The following CABIN1 variants were observed in gnomAD, a reference collection of about 807,000 sequenced individuals.
CABIN1 encodes the protein calcineurin-binding protein cabin-1.
A neutral mutation model predicts 227.7 loss-of-function variants in CABIN1; 133 were observed. The observed-to-expected ratio is 0.58, with a 90% CI of 0.51 to 0.67. CABIN1 has a LOEUF of 0.67. Among genes scored for constraint, CABIN1 ranks in the 30% least tolerant of loss-of-function variants. The pLI, the probability that CABIN1 is intolerant of heterozygous loss-of-function variation, is 0.00. For synonymous variants in CABIN1, 1,086 were observed against 1,155.1 expected, an observed-to-expected ratio of 0.94 and a Z score of 1.21; for missense variants, 2,408 against 2,852.5, an observed-to-expected ratio of 0.84 and a Z score of 3.55.
chr22:24,153,888 T>C (rs150992156), intron 29 of CABIN1, among the ~76,000 whole-genome samples: 7 of 152,270 alleles, frequency 4.6e-5, no homozygotes, highest in African/African-American at 1.7e-4. Context: ...CCTCCTGCTG[T>C]GATAGCCAGG....
At chr22:24,023,819 T>G (rs576460312) in intron 1 of CABIN1, among the ~76,000 whole-genome samples, 4 of 151,954 alleles carry the variant, frequency 2.6e-5, no homozygotes, top group Non-Finnish European at 5.9e-5. Context: ...CTGCAAACTC[T>G]GCCTCCCGGG....
At chr22:24,029,322 C>T (rs995055494) in intron 1 of CABIN1, among the ~76,000 whole-genome samples, 3 of 152,134 alleles carry the variant, frequency 2.0e-5, no homozygotes, top group Admixed American at 1.3e-4. Flanking sequence ...GGCCTTAAGC[C>T]GAGGCGCTTG....
chr22:24,161,380 C>T (rs1172580246), intron 29 of CABIN1, among the ~76,000 whole-genome samples: 1 of 152,152 alleles, frequency 6.6e-6, no homozygotes, highest in African/African-American at 2.4e-5. Flanking sequence ...CACCAGGGCC[C>T]AGGAATCAAG....
intron 29 of CABIN1, among the ~76,000 whole-genome samples, chr22:24,142,664 T>G (rs2148351151): frequency 6.6e-6 from 1 of 152,290 alleles, no homozygotes; most frequent in South Asian, 2.1e-4. Flanking sequence ...CAGGCAGACA[T>G]CAGTGAAGAC....
chr22:24,035,418 C>G, intron 1 of CABIN1, 26 bp from the exon 2 acceptor site: 1 of 1,511,468 alleles, frequency 6.6e-7, no homozygotes, highest in Admixed American at 1.7e-5. Context: ...TAGGCCTTGT[C>G]TCAGTTTGTC....
intron 2 of CABIN1, 136 bp downstream of exon 2, chr22:24,035,656 G>A (rs1174987872): frequency 3.6e-6 from 4 of 1,105,224 alleles, no homozygotes; most frequent in Admixed American, 1.7e-5. Flanking sequence ...AAGGCTGTTG[G>A]CACCTTTGAG....
chr22:24,117,759 G>A (rs1445781764), intron 27 of CABIN1, among the ~76,000 whole-genome samples: 2 of 152,200 alleles, frequency 1.3e-5, no homozygotes, highest in African/African-American at 2.4e-5. Flanking sequence ...GTGTCTTTGT[G>A]TCCAAGCTCT....
chr22:24,147,653 A>G (rs2045235274), intron 29 of CABIN1, among the ~76,000 whole-genome samples: 2 of 151,804 alleles, frequency 1.3e-5, no homozygotes, highest in Admixed American at 1.3e-4. Flanking sequence ...TATGTTGCCC[A>G]GGATGGTGTC....
At chr22:24,056,453 C>T in intron 10 of CABIN1, 93 bp downstream of exon 10, 2 of 1,196,452 alleles carry the variant, frequency 1.7e-6, no homozygotes, top group South Asian at 1.2e-5. Flanking sequence ...CCACCCTCTT[C>T]TCTGGTCTCC....
intron 10 of CABIN1, among the ~76,000 whole-genome samples, chr22:24,058,978 C>G (rs1227005305): frequency 1.3e-5 from 2 of 152,218 alleles, no homozygotes; most frequent in Admixed American, 1.3e-4. Context: ...CAGTGCCTGG[C>G]ACATAGCTGG....
intron 28 of CABIN1, among the ~76,000 whole-genome samples, chr22:24,131,911 C>G (rs1294192966): frequency 6.6e-6 from 1 of 152,196 alleles, no homozygotes; most frequent in African/African-American, 2.4e-5. Context: ...ACTAAAAATA[C>G]AAAAATTAGC....
At chr22:24,106,724 G>A (rs1047041255) in intron 26 of CABIN1, among the ~76,000 whole-genome samples, 3 of 152,200 alleles carry the variant, frequency 2.0e-5, no homozygotes, top group Non-Finnish European at 4.4e-5. Context: ...TCAGTCAGCT[G>A]TACCAGAGAA....
chr22:24,127,480 A>G (rs1017462879), intron 28 of CABIN1, among the ~76,000 whole-genome samples: 13 of 152,240 alleles, frequency 8.5e-5, no homozygotes, highest in African/African-American at 2.9e-4. Context: ...GATATCAGGA[A>G]GTAGTCTGAT....
chr22:24,103,101 A>G (rs536884925), intron 26 of CABIN1: 30 of 152,140 alleles, frequency 2.0e-4, no homozygotes, highest in African/African-American at 6.5e-4. Flanking sequence ...CCGCATGCTC[A>G]GCTCTCAGTC....
rs763835936 is a variant in CABIN1 at position 24,166,888 on chromosome 22, C to G, written c.5257C>G (p.Pro1753Ala). The G allele has an allele frequency of 6.2e-7, 1 of 1,610,350 alleles. No homozygotes were observed. Among genetic ancestry groups the G allele is most frequent in the South Asian group, 1.1e-5 (1 of 90,754 alleles). ...QSGERKDKES[P>A]RAGPTEPMDT... is the part of the protein sequence containing the mutation. Reference sequence around the variant, plus strand: ...CGGGGAGCGGAAGGATAAAGAGAGCCCACGGGCAGGGCCCACTGAGCCCAT... The same window carrying G: ...CGGGGAGCGGAAGGATAAAGAGAGCGCACGGGCAGGGCCCACTGAGCCCAT... The change falls in exon 32 of 37, where the codon CCA becomes GCA. Residue 1753 changes from proline (P) to alanine (A), a missense_variant. Physicochemically the swap from Pro to Ala is conservative, Grantham distance 27. Coordinates refer to ENST00000263119, the MANE Select transcript of CABIN1 (RefSeq NM_012295.4).
chr22:24,123,898 G>T (rs975130216), intron 28 of CABIN1, among the ~76,000 whole-genome samples: 1 of 152,212 alleles, frequency 6.6e-6, no homozygotes, highest in African/African-American at 2.4e-5. Context: ...TCCGATGTCT[G>T]CCTCTTCAAA....
intron 9 of CABIN1, among the ~76,000 whole-genome samples, chr22:24,055,463 G>A (rs930281279): frequency 6.6e-6 from 1 of 152,250 alleles, no homozygotes; most frequent in African/African-American, 2.4e-5. Flanking sequence ...ATTCTGGCAC[G>A]AAGGTTGCTC....
At chr22:24,081,587 A>AT (rs1769604297) in intron 19 of CABIN1, among the ~76,000 whole-genome samples, 2 of 151,122 alleles carry the variant, frequency 1.3e-5, no homozygotes, top group South Asian at 2.1e-4. Context: ...TTATTGATCC[A>AT]TTTTTTCTTT....
At chr22:24,015,405 C>T (rs1443005301) in intron 1 of CABIN1, among the ~76,000 whole-genome samples, 7 of 147,840 alleles carry the variant, frequency 4.7e-5, no homozygotes, top group Non-Finnish European at 1.0e-4. Flanking sequence ...AGTGCATTGG[C>T]GCTATCTCGG....
Sources: allele counts gnomAD v4.1 joint callset (sites outside exome capture counted in the v4.1 genomes callset), GRCh38; gene constraint gnomAD v4.1.1; transcripts MANE v1.5; gene names NCBI Gene and HGNC (gene_info 2026-07-23, HGNC 2026-07-21).